Variants in OSMR observed in about 807,000 individuals in gnomAD.
OSMR encodes oncostatin-M-specific receptor subunit beta.
In OSMR, 81 loss-of-function variants were observed where a neutral mutation model predicts 99.9. That is an observed-to-expected ratio of 0.81 (90% CI 0.68 to 0.97). OSMR has a LOEUF of 0.97. Ranked by LOEUF, OSMR falls within the 50% of genes least tolerant of loss-of-function variation. OSMR has a pLI of 0.00. For missense variants in OSMR, 1,099 were observed against 1,153.4 expected (o/e 0.95, Z 0.68); for synonymous variants, 406 against 410.4 (o/e 0.99, Z 0.13).
At chr5:38,883,499 A>G (rs1013168936) in intron 4 of OSMR, among the ~76,000 whole-genome samples, 17 of 152,370 alleles carry the variant, frequency 1.1e-4, no homozygotes, top group Middle Eastern at 3.4e-3. Context: ...AACACTTAAC[A>G]TGGCCTTCAG....
chr5:38,916,350 G>A (rs1745896272), intron 9 of OSMR, among the ~76,000 whole-genome samples: 1 of 152,160 alleles, frequency 6.6e-6, no homozygotes, highest in Admixed American at 6.5e-5. Context: ...ATAATGGAAT[G>A]ACCAGACCCT....
downstream of OSMR, chr5:38,939,837 T>C (rs1021221812): frequency 4.5e-6 from 1 of 224,046 alleles, no homozygotes; most frequent in African/African-American, 2.2e-5. Context: ...TTACTGCTGA[T>C]ATCATTCCTA....
intron 11 of OSMR, 38 bp downstream of exon 11, chr5:38,919,100 A>G (rs1400056411): frequency 6.2e-7 from 1 of 1,608,886 alleles, no homozygotes; most frequent in Non-Finnish European, 8.5e-7. Context: ...TTTATTCTCT[A>G]GGAAAATGTT....
In OSMR at chr5:38,887,079, T is replaced by C. The variant is rs183339610; in HGVS notation, c.991+889T>C. On this transcript the variant is annotated intron_variant, in intron 7 of 17. Coordinates refer to ENST00000274276, the MANE Select transcript of OSMR (RefSeq NM_003999.3). ...CATGAGTATTTTGGCCACATCTGTTTTCTCTTTTATGAAAAGCTTATGCAA... is the reference window on the plus strand; with the variant it reads ...CATGAGTATTTTGGCCACATCTGTTCTCTCTTTTATGAAAAGCTTATGCAA... Among the ~76,000 whole-genome samples, 210 of 152,296 alleles carry C rather than the reference T, an allele frequency of 1.4e-3. 1 individual carries two copies. The highest frequency in any genetic ancestry group is 0.01 in the Middle Eastern group (3 of 294).
At chr5:38,847,505 TG>T (rs1481784574) in intron 1 of OSMR, among the ~76,000 whole-genome samples, 2 of 152,016 alleles carry the variant, frequency 1.3e-5, no homozygotes, top group Non-Finnish European at 2.9e-5. Flanking sequence ...TAAGACTGGG[TG>T]GGGTGTTTCA....
At chr5:38,876,486 A>C in intron 3 of OSMR, 113 bp downstream of exon 3, 1 of 789,936 alleles carries the variant, frequency 1.3e-6, no homozygotes. Context: ...TAGCAGCTCA[A>C]AACAGTTTGT....
chr5:38,849,482 A>G (rs1456724795), intron 1 of OSMR, among the ~76,000 whole-genome samples: 59 of 150,936 alleles, frequency 3.9e-4, no homozygotes, highest in East Asian at 1.4e-3. Context: ...GTTTTTCCCT[A>G]AACCAATATT....
intron 1 of OSMR, chr5:38,941,901 G>C (rs1203543454): frequency 4.3e-6 from 1 of 234,322 alleles, no homozygotes; most frequent in East Asian, 6.0e-5. Flanking sequence ...AACAAACAAG[G>C]CATCTGTATT....
chr5:38,877,599 T>A (rs950414948), intron 3 of OSMR, among the ~76,000 whole-genome samples: 2 of 152,208 alleles, frequency 1.3e-5, no homozygotes, highest in African/African-American at 4.8e-5. Context: ...GTACACTTGT[T>A]GGTAATTTGG....
downstream of OSMR, among the ~76,000 whole-genome samples, chr5:38,936,156 A>T (rs374560212): frequency 1.1e-4 from 17 of 152,260 alleles, no homozygotes; most frequent in East Asian, 3.1e-3. Flanking sequence ...TAGTTTAATA[A>T]ACCACTATGT....
chr5:38,945,423 T>C (rs918474331), downstream of OSMR: 7 of 1,092,224 alleles, frequency 6.4e-6, no homozygotes, highest in African/African-American at 1.6e-5. Flanking sequence ...AAAAAGAAAT[T>C]TGGAAAAGTA....
chr5:38,924,214 A>G lies in OSMR; in HGVS notation c.1871-208A>G, dbSNP rs532995769. 8 of 653,954 alleles carry G rather than the reference A, an allele frequency of 1.2e-5. No homozygotes were observed. In the East Asian group the frequency reaches 9.6e-4, roughly 79 times the overall value. 40.5% of individuals were successfully genotyped at this position (653,954 alleles called of 1,614,324 possible). On this transcript the variant is annotated intron_variant, in intron 13 of 17. Coordinates refer to ENST00000274276, the MANE Select transcript of OSMR (RefSeq NM_003999.3). ...GTCCATTCTTCATCTGTAAAAGGCA[A>G]GACTTGAACAAGATTGCTCAACTCC...
chr5:38,892,401 G>C (rs2112457551), intron 7 of OSMR, among the ~76,000 whole-genome samples: 1 of 152,206 alleles, frequency 6.6e-6, no homozygotes, highest in East Asian at 1.9e-4. Context: ...ATCATAGACA[G>C]CACCTGAACT....
intron 2 of OSMR, among the ~76,000 whole-genome samples, chr5:38,875,610 C>A (rs1742754862): frequency 1.3e-5 from 2 of 152,252 alleles, no homozygotes; most frequent in Admixed American, 6.5e-5. Flanking sequence ...GTCTCTCCAA[C>A]TAGCTTCCTT....
chr5:38,935,397 G>A lies in OSMR; in HGVS notation c.*1953G>A, dbSNP rs73751812. On this transcript the variant is annotated 3_prime_UTR_variant, in exon 18 of 18. Coordinates refer to ENST00000274276, the MANE Select transcript of OSMR (RefSeq NM_003999.3). The stretch of plus-strand genomic sequence containing the variant: ...ATGTGCTCCTCACGTAGTAGAAAGC[G>A]GTATCCTGATTAGTCTAACAGTTGT... The A allele has an allele frequency of 2.6e-5, 4 of 151,600 alleles. No homozygotes were observed. Among genetic ancestry groups the A allele is most frequent in the African/African-American group, 4.9e-5 (2 of 40,980 alleles). The allele number at this position is 151,600 out of a possible 1,614,324, so 9.4% of individuals were successfully genotyped here.
chr5:38,887,155 G>A (rs1224397791), intron 7 of OSMR, among the ~76,000 whole-genome samples: 2 of 152,018 alleles, frequency 1.3e-5, no homozygotes, highest in African/African-American at 4.8e-5. Context: ...GATACTGATT[G>A]TTGTCCATTT....
chr5:38,846,626 A>G (rs1043660527), intron 1 of OSMR, among the ~76,000 whole-genome samples: 11 of 151,838 alleles, frequency 7.2e-5, no homozygotes, highest in African/African-American at 2.7e-4. Context: ...TGAGAGAGCC[A>G]TTTTTCTGGG....
rs1239410578 is a variant in OSMR, at chr5:38,877,964, C to T, written c.246+1591C>T. 2.0e-5 allele frequency among the ~76,000 whole-genome samples: 3 copies of T among 152,126 alleles called. No individual in the cohort carries two copies. The East Asian group carries it at 5.8e-4, about 29-fold the overall frequency. ...TTCTGTAATCTTCTAGGGCTCAAGA[C>T]CCTTCAGGGTAGAGTTTTGCCTTGT... On this transcript the variant is annotated intron_variant, in intron 3 of 17. Coordinates refer to ENST00000274276, the MANE Select transcript of OSMR (RefSeq NM_003999.3).
At chr5:38,901,550 A>G (rs924080768) in intron 7 of OSMR, among the ~76,000 whole-genome samples, 1 of 152,210 alleles carries the variant, frequency 6.6e-6, no homozygotes, top group Non-Finnish European at 1.5e-5. Flanking sequence ...CTCAGTGTCC[A>G]GAGACTAGTG....
Sources: allele counts gnomAD v4.1 joint callset (sites outside exome capture counted in the v4.1 genomes callset), GRCh38; gene constraint gnomAD v4.1.1; transcripts MANE v1.5; gene names NCBI Gene and HGNC (gene_info 2026-07-23, HGNC 2026-07-21).